The following DMXL2 variants were observed in gnomAD, a reference collection of about 807,000 sequenced individuals.
The protein encoded by DMXL2 is dmX-like protein 2.
A neutral mutation model predicts 331.1 loss-of-function variants in DMXL2; 103 were observed. The ratio of observed to expected loss-of-function variants is 0.31; its 90% CI spans 0.27 to 0.37. DMXL2 has a LOEUF of 0.37. DMXL2 is among the 10% of genes least tolerant of loss of function. The probability of loss-of-function intolerance (pLI) is 1.00; values close to 1 mark genes in which losing one functional copy is unlikely to be tolerated. For synonymous variants in DMXL2, 1,281 were observed against 1,252.1 expected (o/e 1.02, Z -0.49); for missense variants, 3,171 against 3,642.9 (o/e 0.87, Z 3.33).
intron 1 of DMXL2, among the ~76,000 whole-genome samples, chr15:51,585,954 ACTC>A (rs2051788926): frequency 6.6e-6 from 1 of 152,086 alleles, no homozygotes; most frequent in Non-Finnish European, 1.5e-5. Flanking sequence ...GATACATAAA[ACTC>A]CTACCATTGA....
intron 13 of DMXL2, 79 bp from the exon 14 acceptor site, chr15:51,517,246 T>A: frequency 9.9e-7 from 1 of 1,010,060 alleles, no homozygotes; most frequent in African/African-American, 1.6e-5. Flanking sequence ...CTTGGACATT[T>A]AAGGCCCCCT....
intron 2 of DMXL2, among the ~76,000 whole-genome samples, chr15:51,571,288 A>G (rs1399333045): frequency 6.6e-6 from 1 of 152,212 alleles, no homozygotes; most frequent in Non-Finnish European, 1.5e-5. Flanking sequence ...TCATAAAGCA[A>G]GTTCTTAAAG....
At chr15:51,575,364 T>TAAA (rs1181623320) in intron 2 of DMXL2, among the ~76,000 whole-genome samples, 1 of 152,126 alleles carries the variant, frequency 6.6e-6, no homozygotes, top group Non-Finnish European at 1.5e-5. Flanking sequence ...TGATTACAGG[T>TAAA]AAAAACCTTA....
At chr15:51,519,807 T>TACTAAA (rs2047251682) in intron 13 of DMXL2, among the ~76,000 whole-genome samples, 1 of 151,992 alleles carries the variant, frequency 6.6e-6, no homozygotes, top group Non-Finnish European at 1.5e-5. Flanking sequence ...CACACCTGGC[T>TACTAAA]AATTTTTGTA....
At chr15:51,593,594 C>T (rs1315746170) in intron 1 of DMXL2, among the ~76,000 whole-genome samples, 1 of 152,190 alleles carries the variant, frequency 6.6e-6, no homozygotes, top group Non-Finnish European at 1.5e-5. Flanking sequence ...CTCTCCACCC[C>T]AAATCAACAG....
chr15:51,519,468 T>C (rs2047217612), intron 13 of DMXL2, among the ~76,000 whole-genome samples: 2 of 151,940 alleles, frequency 1.3e-5, no homozygotes, highest in East Asian at 1.9e-4. Flanking sequence ...TGCTAAAAAA[T>C]TGAAAAGTAG....
intron 33 of DMXL2, 198 bp from the exon 34 acceptor site, chr15:51,459,858 T>C (rs1043943225): frequency 8.6e-7 from 1 of 1,163,318 alleles, no homozygotes; most frequent in Non-Finnish European, 1.1e-6. Flanking sequence ...GCAAAATTAA[T>C]GTGACTATTA....
intron 2 of DMXL2, among the ~76,000 whole-genome samples, chr15:51,568,769 T>C (rs181647256): frequency 6.6e-6 from 1 of 152,142 alleles, no homozygotes; most frequent in Admixed American, 6.5e-5. Flanking sequence ...ACATATCATA[T>C]ACAAGGTTGA....
chr15:51,610,687 G>A (rs1255646275), intron 1 of DMXL2, among the ~76,000 whole-genome samples: 1 of 151,252 alleles, frequency 6.6e-6, no homozygotes, highest in East Asian at 1.9e-4. Flanking sequence ...AGAATGGCAT[G>A]AACCCAGGAG....
rs546549509 is a variant in DMXL2 at position 51,499,963 on chromosome 15, C to T, written c.3261G>A (p.Lys1087=). 5.6e-6 allele frequency: 9 copies of T among 1,613,990 alleles called. No homozygotes were observed. In the South Asian group the frequency reaches 7.7e-5, roughly 14 times the overall value. ...SYTGRLAVAY[K]QPIHHNGFVS... is the part of the protein sequence containing the mutation. ...CAAAACCATTATGGTGGATAGGCTG[C>T]TTATAAGCCACTGCAAGGCGACCTG... Residue 1087 remains lysine (K), a synonymous_variant, in exon 18 of 44, where the codon AAG becomes AAA. Transcript: ENST00000560891.
At chr15:51,461,742 G>A (rs7162592) in intron 33 of DMXL2, among the ~76,000 whole-genome samples, 5 of 152,040 alleles carry the variant, frequency 3.3e-5, no homozygotes, top group African/African-American at 7.2e-5. Context: ...TTGTAGAGAC[G>A]GGGTTTCACC....
rs2039009167 is a variant in DMXL2 at position 51,450,132 on chromosome 15, T to C, written c.8964A>G (p.Ile2988Met). 1 of 1,613,950 alleles carries C rather than the reference T, an allele frequency of 6.2e-7. No individual in the cohort carries two copies. Among genetic ancestry groups the C allele is most frequent in the Non-Finnish European group, 8.5e-7 (1 of 1,179,922 alleles). ...CCAACCTCTTGTACTGACTCACCTT[T>C]ATGTTACCTTCTGCTGAACCTGTGG... The part of the protein sequence containing the change: ...YFTTGSAEGN[I>M]KVWRLTGHGL... The change falls in exon 43 of 44, where the codon ATA (isoleucine) becomes ATG (methionine). Residue 2988 changes from isoleucine to methionine, a missense_variant. By Grantham distance (10) the Ile-to-Met change is conservative (BLOSUM62 1). Transcript: ENST00000560891.
intron 18 of DMXL2, 76 bp from the exon 19 acceptor site, chr15:51,495,210 C>T: frequency 1.2e-6 from 1 of 836,362 alleles, no homozygotes; most frequent in Non-Finnish European, 1.9e-6. Flanking sequence ...ATAAAACAAA[C>T]ATTAAACTTA....
Position 51,448,989 on chromosome 15 carries a change from G to C in DMXL2, c.9172C>G (p.Leu3058Val). 1 of 1,613,992 alleles carries C rather than the reference G, an allele frequency of 6.2e-7. No homozygotes were observed. The highest frequency in any genetic ancestry group is 1.1e-5 in the South Asian group (1 of 91,066). Reference sequence around the variant, plus strand: ...TAAAAATAAAACCCCAATCTTTATAGAATGTCAAGAATTCTGTTAGGGATG... The same window carrying C: ...TAAAAATAAAACCCCAATCTTTATACAATGTCAAGAATTCTGTTAGGGATG... ...FNIPNRILDIL is the reference protein window; with the variant it reads ...FNIPNRILDIV The change falls in exon 44 of 44, where the codon CTA becomes GTA. Residue 3058 changes from leucine to valine, a missense_variant. By Grantham distance (32) the Leu-to-Val change is conservative. Around this residue, in one of 7 missense-constraint regions of DMXL2, gnomAD observed 766 missense variants for 940.5 expected, o/e 0.81. Transcript: ENST00000560891.
At chr15:51,467,167 A>G (rs2040658134) in intron 29 of DMXL2, among the ~76,000 whole-genome samples, 1 of 152,052 alleles carries the variant, frequency 6.6e-6, no homozygotes, top group East Asian at 1.9e-4. Flanking sequence ...GGAGGAGGAG[A>G]AAGAAAAAGA....
At chr15:51,596,852 A>G (rs1739870621) in intron 1 of DMXL2, among the ~76,000 whole-genome samples, 1 of 152,168 alleles carries the variant, frequency 6.6e-6, no homozygotes. Context: ...GTTCTCACTC[A>G]TAGGTGGGAA....
chr15:51,532,166 G>A (rs1405767179), intron 13 of DMXL2, among the ~76,000 whole-genome samples: 2 of 151,662 alleles, frequency 1.3e-5, no homozygotes, highest in Admixed American at 1.3e-4. Context: ...AAAAAATGTG[G>A]TACTTACATA....
At chr15:51,526,174 G>C (rs368197044) in intron 13 of DMXL2, among the ~76,000 whole-genome samples, 3 of 124,968 alleles carry the variant, frequency 2.4e-5, no homozygotes, top group East Asian at 6.0e-4. Context: ...GAGAAAGAAG[G>C]GGGGTGGGTG....
At chr15:51,494,412 G>A (rs768270709) in intron 19 of DMXL2, among the ~76,000 whole-genome samples, 3 of 152,118 alleles carry the variant, frequency 2.0e-5, no homozygotes, top group Non-Finnish European at 4.4e-5. Flanking sequence ...AATAAGCTCT[G>A]GACTGGGATT....
Sources: gnomAD v4.1 joint callset for allele counts (sites outside exome capture counted in the v4.1 genomes callset) on GRCh38, gnomAD v4.1.1 for gene constraint, gnomAD v4.1.1 regional missense constraint, MANE v1.5 for transcripts, NCBI Gene and HGNC (gene_info 2026-07-23, HGNC 2026-07-21) for gene names.